Variants in KIF26B observed in about 807,000 individuals in gnomAD.
The protein encoded by KIF26B is kinesin-like protein KIF26B.
A neutral mutation model predicts 151.2 loss-of-function variants in KIF26B; 63 were observed. The ratio of observed to expected loss-of-function variants is 0.42; its 90% CI spans 0.34 to 0.51. The LOEUF is 0.51. Among genes scored for constraint, KIF26B ranks in the 20% least tolerant of loss-of-function variants. KIF26B has a pLI of 0.07. For synonymous variants in KIF26B, 1,357 were observed against 1,262.1 expected (o/e 1.08, Z -1.59); for missense variants, 2,813 against 2,913.6 (o/e 0.97, Z 0.79).
chr1:245,670,464 G>A (rs1011317224), intron 10 of KIF26B, among the ~76,000 whole-genome samples: 2 of 151,002 alleles, frequency 1.3e-5, no homozygotes, highest in African/African-American at 4.9e-5. Flanking sequence ...CAAGTTAGGT[G>A]ACACACCTGT....
chr1:245,499,963 G>A (rs1317022502), intron 4 of KIF26B, among the ~76,000 whole-genome samples: 5 of 152,206 alleles, frequency 3.3e-5, no homozygotes, highest in African/African-American at 4.8e-5. Context: ...GAGTGGAAGC[G>A]TTTCCTTCCT....
intron 4 of KIF26B, among the ~76,000 whole-genome samples, chr1:245,503,127 T>C (rs1303341993): frequency 1.3e-5 from 2 of 152,196 alleles, no homozygotes; most frequent in Non-Finnish European, 2.9e-5. Context: ...CCCAAAGTGC[T>C]GGGATTACAG....
intron 2 of KIF26B, among the ~76,000 whole-genome samples, chr1:245,278,742 C>A (rs569341036): frequency 5.3e-5 from 8 of 152,170 alleles, no homozygotes; most frequent in Non-Finnish European, 1.2e-4. Context: ...GAAACTTCTT[C>A]CTGGGACCAG....
chr1:245,421,445 C>T (rs1658485518), intron 4 of KIF26B, among the ~76,000 whole-genome samples: 2 of 152,086 alleles, frequency 1.3e-5, no homozygotes, highest in South Asian at 2.1e-4. Context: ...CCTCCCAGCT[C>T]AGAATGAAGA....
chr1:245,581,504 C>G (rs979744599), intron 5 of KIF26B, among the ~76,000 whole-genome samples: 1 of 152,208 alleles, frequency 6.6e-6, no homozygotes, highest in African/African-American at 2.4e-5. Flanking sequence ...AGTTTTCTTA[C>G]AGCCACCTAT....
intron 4 of KIF26B, among the ~76,000 whole-genome samples, chr1:245,453,961 T>A (rs1190265935): frequency 1.3e-5 from 2 of 152,332 alleles, no homozygotes; most frequent in African/African-American, 4.8e-5. Context: ...AAGCAGGGCA[T>A]GGGCCACAAA....
At position 245,686,660 on chromosome 1, in the gene KIF26B, C is replaced by T. The variant is rs779722922; in HGVS notation, c.3677C>T (p.Ser1226Leu). 4.5e-5 allele frequency: 73 copies of T among 1,611,088 alleles called. No individual in the cohort carries two copies. The highest frequency in any genetic ancestry group is 5.8e-5 in the Non-Finnish European group (68 of 1,178,970). ...DCSARALASG[S>L]RPVSIISSIS... The stretch of plus-strand genomic sequence containing the variant: ...TCTGCACGGGCCCTGGCCTCGGGCT[C>T]GCGGCCCGTCAGCATCATCAGCAGC... The change falls in exon 12 of 15, where the codon TCG (serine) becomes TTG (leucine). Residue 1226 changes from serine to leucine, a missense_variant. Around this residue, in one of 3 missense-constraint regions of KIF26B, gnomAD observed 2,060 missense variants for 2,088.6 expected, o/e 0.99. Transcript: ENST00000407071. The surrounding 1 kb of genome is among the most constrained non-coding windows in gnomAD (Gnocchi z 5.6).
At chr1:245,284,371 A>G (rs1257047886) in intron 2 of KIF26B, among the ~76,000 whole-genome samples, 1 of 103,112 alleles carries the variant, frequency 9.7e-6, no homozygotes, top group Non-Finnish European at 2.0e-5. Context: ...TTATTTCTCC[A>G]GATACCTGGA....
At chr1:245,567,363 C>G (rs144756482) in intron 5 of KIF26B, among the ~76,000 whole-genome samples, 1 of 152,196 alleles carries the variant, frequency 6.6e-6, no homozygotes, top group Admixed American at 6.5e-5. Flanking sequence ...ACCCTTTCAG[C>G]GTCCAGTGAT....
intron 9 of KIF26B, among the ~76,000 whole-genome samples, chr1:245,636,841 A>G (rs1326807219): frequency 6.7e-6 from 1 of 149,672 alleles, no homozygotes; most frequent in East Asian, 2.0e-4. Context: ...CATTATTTTT[A>G]TGGCTGAATA....
chr1:245,435,222 G>A (rs530281065), intron 4 of KIF26B, among the ~76,000 whole-genome samples: 1 of 152,230 alleles, frequency 6.6e-6, no homozygotes, highest in Admixed American at 6.5e-5. Context: ...CTGTATGCCA[G>A]GTATTGTGTT....
At position 245,609,640 on chromosome 1, in the gene KIF26B, G is replaced by A. The variant is rs969967723; in HGVS notation, c.1914+112G>A. ...CCTGTAAACTCAGAGGCTTACGGGT[G>A]TTTACTTTAAAGTGGACTGGAACTT... On this transcript the variant is annotated intron_variant, in intron 8 of 14. Coordinates refer to ENST00000407071, the MANE Select transcript of KIF26B (RefSeq NM_018012.4). 5 of 1,202,746 alleles carry A rather than the reference G, an allele frequency of 4.2e-6. No homozygotes were observed. The African/African-American group carries it at 4.6e-5, about 11-fold the overall frequency. The allele number at this position is 1,202,746 out of a possible 1,614,324, so 74.5% of individuals were successfully genotyped here.
At chr1:245,689,630 A>G (rs2044597168) in intron 12 of KIF26B, among the ~76,000 whole-genome samples, 1 of 152,098 alleles carries the variant, frequency 6.6e-6, no homozygotes. Context: ...TGATCTTGCC[A>G]AACTGCAACC....
chr1:245,359,280 A>G (rs1254666773), intron 2 of KIF26B, among the ~76,000 whole-genome samples: 1 of 152,034 alleles, frequency 6.6e-6, no homozygotes, highest in East Asian at 1.9e-4. Flanking sequence ...CGGCCTCCCA[A>G]AGGGCTAGGG....
chr1:245,610,192 T>G (rs1481389774), intron 8 of KIF26B, among the ~76,000 whole-genome samples: 2 of 152,204 alleles, frequency 1.3e-5, no homozygotes, highest in Non-Finnish European at 2.9e-5. Flanking sequence ...TGCCTCCTTT[T>G]GTAGATAGGT....
Position 245,419,751 on chromosome 1 carries a change from A to G in KIF26B, c.1166+6A>G, listed in dbSNP as rs1658428303. ...GCCGCCTCCTTCTTTGCACGGTAAG[A>G]GAGCTGTTCAGATCCTTGGTTCTTT... On this transcript the variant is annotated splice_donor_region_variant and intron_variant, in intron 4 of 14. Coordinates refer to ENST00000407071, the MANE Select transcript of KIF26B (RefSeq NM_018012.4). 3.1e-6 allele frequency: 5 copies of G among 1,606,522 alleles called. No homozygotes were observed. In the African/African-American group the frequency reaches 5.3e-5, roughly 17 times the overall value.
intron 2 of KIF26B, among the ~76,000 whole-genome samples, chr1:245,269,563 C>A (rs558116718): frequency 2.0e-5 from 3 of 151,880 alleles, no homozygotes; most frequent in Non-Finnish European, 4.4e-5. Context: ...CTCCTGGGTT[C>A]AAGTGATTCT....
chr1:245,519,873 C>T (rs982247734), intron 4 of KIF26B, among the ~76,000 whole-genome samples: 2 of 152,074 alleles, frequency 1.3e-5, no homozygotes, highest in East Asian at 1.9e-4. Flanking sequence ...TTGACTGAAA[C>T]GTTATACGGT....
intron 2 of KIF26B, among the ~76,000 whole-genome samples, chr1:245,185,527 A>G (rs922826912): frequency 3.9e-5 from 6 of 152,164 alleles, no homozygotes; most frequent in Non-Finnish European, 7.3e-5. Flanking sequence ...CATTACCCCA[A>G]AAGTCAGCTT....
Sources: gnomAD v4.1 joint callset for allele counts (sites outside exome capture counted in the v4.1 genomes callset) on GRCh38, gnomAD v4.1.1 for gene constraint, gnomAD v4.1.1 regional missense constraint, Gnocchi (gnomAD v3.1) non-coding constraint, MANE v1.5 for transcripts, NCBI Gene and HGNC (gene_info 2026-07-23, HGNC 2026-07-21) for gene names.